The following SGF29 variants were observed in gnomAD, a reference collection of about 807,000 sequenced individuals.
SGF29 encodes the protein SAGA complex associated factor 29.
In SGF29, 15 loss-of-function variants were observed where a neutral mutation model predicts 38.1. The ratio of observed to expected loss-of-function variants is 0.39; its 90% CI spans 0.26 to 0.61. The LOEUF (loss-of-function observed/expected upper bound fraction) is 0.61. SGF29 is among the 20% of genes least tolerant of loss of function. SGF29 has a pLI of 0.49. For synonymous variants in SGF29, 151 were observed against 160.8 expected (o/e 0.94, Z 0.46); for missense variants, 184 against 394.6 (o/e 0.47, Z 4.52).
At position 28,590,253 on chromosome 16, in the gene SGF29, C is replaced by A. The variant is rs1327999153; in HGVS notation, c.419+28C>A. On this transcript the variant is annotated intron_variant, in intron 6 of 9. Coordinates refer to ENST00000317058, the MANE Select transcript of SGF29 (RefSeq NM_138414.3). This position sits in a 1 kb window ranked among gnomAD's most constrained non-coding sequence, Gnocchi z 8.2. ...GAGGGCAGCAGCTGCGAGGGAGGGG[C>A]TGGTGCCCAGGGGCTGGGACTGACC... 1 of 1,609,340 alleles carries A rather than the reference C, an allele frequency of 6.2e-7. No individual in the cohort carries two copies. Among genetic ancestry groups the A allele is most frequent in the East Asian group, 2.2e-5 (1 of 44,688 alleles).
chr16:28,589,687 AT>A (rs200557913), intron 5 of SGF29, among the ~76,000 whole-genome samples: 2 of 150,200 alleles, frequency 1.3e-5, no homozygotes, highest in Admixed American at 6.6e-5. Context: ...TGCACATTTA[AT>A]TTTTTTTTTG....
chr16:28,589,352 T>G (rs1596609149), intron 5 of SGF29, 188 bp downstream of exon 5: 1 of 587,690 alleles, frequency 1.7e-6, no homozygotes, highest in African/African-American at 1.9e-5. Context: ...GAGGCAGGGG[T>G]TTCCCAGTTC....
At chr16:28,556,475 G>T (rs924814236) in intron 1 of SGF29, among the ~76,000 whole-genome samples, 1 of 152,300 alleles carries the variant, frequency 6.6e-6, no homozygotes, top group Non-Finnish European at 1.5e-5. Context: ...AGCCTTCCAA[G>T]TAGCTGTGAT....
intron 1 of SGF29, among the ~76,000 whole-genome samples, chr16:28,564,552 TATATATATATATACGTATATATATAC>T: frequency 2.9e-5 from 1 of 33,970 alleles, no homozygotes; most frequent in African/African-American, 9.7e-5. Flanking sequence ...TATATATACG[TATATATATATATACGTATATATATAC>T]ACGTATATAT....
chr16:28,581,319 C>T (rs185397389), intron 2 of SGF29, among the ~76,000 whole-genome samples, 175 bp downstream of exon 2: 157 of 152,230 alleles, frequency 1.0e-3, no homozygotes, highest in Admixed American at 3.0e-3. Context: ...GGATTTTCTA[C>T]CATGTACAGG....
At chr16:28,562,835 T>C (rs905625469) in intron 1 of SGF29, among the ~76,000 whole-genome samples, 2 of 135,264 alleles carry the variant, frequency 1.5e-5, no homozygotes, top group African/African-American at 2.8e-5. Flanking sequence ...GCCTGGGAGG[T>C]GCAGGCTACA....
At chr16:28,555,302 A>T (rs1178300551) in intron 1 of SGF29, among the ~76,000 whole-genome samples, 1 of 128,770 alleles carries the variant, frequency 7.8e-6, no homozygotes, top group Non-Finnish European at 1.7e-5. Flanking sequence ...AGTCTCTTCT[A>T]AAAAAAAAAA....
At chr16:28,584,804 A>AG (rs1324315029) in intron 2 of SGF29, 109 bp from the exon 3 acceptor site, 4 of 687,700 alleles carry the variant, frequency 5.8e-6, no homozygotes, top group African/African-American at 3.7e-5. Flanking sequence ...AAAAAAAAAA[A>AG]AAAGAAAATG....
rs2046971993 is a variant in SGF29 at position 28,589,114 on chromosome 16, C to T, written c.239C>T (p.Ala80Val). 6.2e-7 allele frequency: 1 copy of T among 1,614,092 alleles called. No homozygotes were observed. The part of the protein sequence containing the change: ...AEAECNILRK[A>V]LDKIAEIKSL... ...CCCGCCCTCAGCATCCTTCGGAAAGCTCTGGACAAGATCGCGGAAATCAAG... is the reference window on the plus strand; with the variant it reads ...CCCGCCCTCAGCATCCTTCGGAAAGTTCTGGACAAGATCGCGGAAATCAAG... Residue 80 changes from alanine (A) to valine (V), a missense_variant, in exon 5 of 10, where the codon GCT becomes GTT. Around this residue, in one of 2 missense-constraint regions of SGF29, gnomAD observed 77 missense variants for 117.7 expected, o/e 0.65. Transcript: ENST00000317058.
intron 1 of SGF29, among the ~76,000 whole-genome samples, chr16:28,556,533 G>A (rs1567283278): frequency 6.6e-6 from 1 of 152,182 alleles, no homozygotes; most frequent in Admixed American, 6.5e-5. Context: ...TTTTAGTAGA[G>A]ACAGGGTTTC....
chr16:28,557,992 C>G, intron 1 of SGF29, among the ~76,000 whole-genome samples: 1 of 31,544 alleles, frequency 3.2e-5, no homozygotes, highest in Admixed American at 4.0e-4. Context: ...TTTTTTTTTT[C>G]AGAGACGGGG....
chr16:28,564,688 T>TATATATATGTATATATATAC (rs1340119005), intron 1 of SGF29, among the ~76,000 whole-genome samples: 1 of 75,482 alleles, frequency 1.3e-5, no homozygotes, highest in African/African-American at 5.8e-5. Flanking sequence ...TATATATGTG[T>TATATATATGTATATATATAC]ATATATATGT....
intron 1 of SGF29, among the ~76,000 whole-genome samples, chr16:28,556,038 G>A (rs1438247780): frequency 6.6e-6 from 1 of 152,084 alleles, no homozygotes; most frequent in Non-Finnish European, 1.5e-5. Context: ...TTACTATTCT[G>A]TTATCTATTT....
chr16:28,554,391 A>C (rs961610530), intron 1 of SGF29, among the ~76,000 whole-genome samples: 2 of 152,126 alleles, frequency 1.3e-5, no homozygotes, highest in East Asian at 3.9e-4. Context: ...GCACGGACGC[A>C]GCTTCCAGGT....
In SGF29 at chr16:28,585,708, A is replaced by T; in HGVS notation, c.212A>T (p.Glu71Val). 1.2e-6 allele frequency: 2 copies of T among 1,614,200 alleles called. No homozygotes were observed. Among genetic ancestry groups the T allele is most frequent in the Non-Finnish European group, 1.7e-6 (2 of 1,180,018 alleles). ...TACACAACCGCCAAGGCCGATGCAG[A>T]GGCTGAGTGCAAGTGAGTACCGTGC... ...GLYTTAKADA[E>V]AECNILRKAL... Residue 71 changes from glutamate to valine, a missense_variant, in exon 4 of 10, where the codon GAG becomes GTG. Glu to Val is a moderately radical substitution (Grantham distance 121, BLOSUM62 -2). Around this residue, in one of 2 missense-constraint regions of SGF29, gnomAD observed 77 missense variants for 117.7 expected, o/e 0.65. Coordinates refer to ENST00000317058, the MANE Select transcript of SGF29 (RefSeq NM_138414.3).
Position 28,590,411 on chromosome 16 carries a change from G to A in SGF29, c.535G>A (p.Glu179Lys). 1 of 1,613,898 alleles carries A rather than the reference G, an allele frequency of 6.2e-7. No homozygotes were observed. Among genetic ancestry groups the A allele is most frequent in the Non-Finnish European group, 8.5e-7 (1 of 1,179,842 alleles). ...VDGDEQWILA[E>K]VVSYSHATNK... ...TGGGGACGAGCAGTGGATCCTGGCC[G>A]AGGTGGTCAGTTACAGCCATGCCAC... Residue 179 changes from glutamate (E) to lysine (K), a missense_variant, in exon 7 of 10, where the codon GAG becomes AAG. Glu to Lys is a moderately conservative substitution (Grantham distance 56). Around this residue, in one of 2 missense-constraint regions of SGF29, gnomAD observed 107 missense variants for 276.9 expected, o/e 0.39. Transcript: ENST00000317058. The surrounding 1 kb of genome is among the most constrained non-coding windows in gnomAD (Gnocchi z 8.2).
intron 1 of SGF29, among the ~76,000 whole-genome samples, chr16:28,555,475 C>CA (rs1347740081): frequency 1.1e-4 from 16 of 152,204 alleles, no homozygotes; most frequent in African/African-American, 3.9e-4. Flanking sequence ...GACCCTGTCT[C>CA]AAAAAAGAGT....
At chr16:28,570,475 G>T (rs1452956265) in intron 1 of SGF29, among the ~76,000 whole-genome samples, 1 of 152,146 alleles carries the variant, frequency 6.6e-6, no homozygotes, top group Non-Finnish European at 1.5e-5. Context: ...AGATGGTGGG[G>T]AATTTGCCCC....
At chr16:28,564,567 G>GTA (rs1279749388) in intron 1 of SGF29, among the ~76,000 whole-genome samples, 89 of 117,618 alleles carry the variant, frequency 7.6e-4, no homozygotes, top group African/African-American at 1.9e-3. Flanking sequence ...ATATATATAC[G>GTA]TATATATATA....
Sources: gnomAD v4.1 joint callset for allele counts (sites outside exome capture counted in the v4.1 genomes callset) on GRCh38, gnomAD v4.1.1 for gene constraint, gnomAD v4.1.1 regional missense constraint, Gnocchi (gnomAD v3.1) non-coding constraint, MANE v1.5 for transcripts, NCBI Gene and HGNC (gene_info 2026-07-23, HGNC 2026-07-21) for gene names.